MTMR4: variants seen among roughly 807,000 people sequenced by gnomAD.
MTMR4 encodes myotubularin related protein 4, also known as phosphatidylinositol-3,5-bisphosphate 3-phosphatase MTMR4.
Under a neutral mutation model 125.5 loss-of-function variants are expected in MTMR4, and 30 were observed. That is an observed-to-expected ratio of 0.24 (90% CI 0.18 to 0.32). The LOEUF (loss-of-function observed/expected upper bound fraction) is 0.32, where lower values mean the gene tolerates loss of function less well. MTMR4 is among the 10% of genes least tolerant of loss of function. The pLI is 1.00. For missense variants in MTMR4, 1,039 were observed against 1,511.5 expected, an observed-to-expected ratio of 0.69 and a Z score of 5.18; for synonymous variants, 498 against 564.5, an observed-to-expected ratio of 0.88 and a Z score of 1.67.
At position 58,508,669 on chromosome 17, in the gene MTMR4, G is replaced by A. The variant is rs747528698; in HGVS notation, c.496+12C>T. On this transcript the variant is annotated intron_variant, in intron 5 of 17. Coordinates refer to ENST00000682306, the MANE Select transcript of MTMR4 (RefSeq NM_001378067.1). The surrounding 1 kb of genome is among the most constrained non-coding windows in gnomAD (Gnocchi z 4.8). ...AAGAAGCAGCCTCCCAAAGAAAATA[G>A]ACTGGCCTCACCTGGCTGACATAGG... 1.9e-6 allele frequency: 3 copies of A among 1,613,720 alleles called. No homozygotes were observed. The highest frequency in any genetic ancestry group is 2.7e-5 in the African/African-American group (2 of 74,946).
chr17:58,509,849 C>CCTGA (rs1488537698), intron 4 of MTMR4, among the ~76,000 whole-genome samples: 2 of 152,206 alleles, frequency 1.3e-5, no homozygotes, highest in Non-Finnish European at 1.5e-5. Context: ...GCCCCACAGA[C>CCTGA]CTGAGCACAT....
In MTMR4 at chr17:58,512,927, G is replaced by C. The variant is rs760959680; in HGVS notation, c.60C>G (p.Pro20=). The C allele has an allele frequency of 3.7e-6, 6 of 1,610,754 alleles. No individual in the cohort carries two copies. Among genetic ancestry groups the C allele is most frequent in the Non-Finnish European group, 5.1e-6 (6 of 1,178,854 alleles). The part of the protein sequence containing the change: ...SMLSCFGEEG[P]PSLEYIQAKD... ...TGGCTTGGATGTACTCCAGGCTGGG[G>C]GGCCCCTCCTCACCCTGTAGGAAGG... is the stretch of plus-strand genomic sequence containing the variant. Residue 20 remains proline, a synonymous_variant, in exon 2 of 18, where the codon CCC becomes CCG. Coordinates refer to ENST00000682306, the MANE Select transcript of MTMR4 (RefSeq NM_001378067.1). The surrounding 1 kb of genome is among the most constrained non-coding windows in gnomAD (Gnocchi z 4.1).
In MTMR4 at chr17:58,504,535, T is replaced by A; in HGVS notation, c.1342-47A>T. The A allele has an allele frequency of 6.3e-7, 1 of 1,588,588 alleles. No individual in the cohort carries two copies. The highest frequency in any genetic ancestry group is 1.1e-5 in the South Asian group (1 of 89,862). ...AAACATAGGGCCTCTCTGGAAATGC[T>A]GATGTGCTACTCCCCTGGGAACTGC... On this transcript the variant is annotated intron_variant, in intron 11 of 17. Transcript: ENST00000682306. The surrounding 1 kb of genome is among the most constrained non-coding windows in gnomAD (Gnocchi z 7.1).
chr17:58,502,519 T>TA (rs5821237), intron 14 of MTMR4, among the ~76,000 whole-genome samples: 119,408 of 144,648 alleles, frequency 0.83, 49,360 homozygotes, highest in East Asian at 0.99. Context: ...CCTGTAATGA[T>TA]AAAAAAAAAA....
intron 4 of MTMR4, among the ~76,000 whole-genome samples, chr17:58,509,726 G>A (rs1305562604): frequency 1.3e-5 from 2 of 152,002 alleles, no homozygotes; most frequent in African/African-American, 4.8e-5. Flanking sequence ...GGCCTACTTG[G>A]AGTACTAAGC....
Position 58,495,571 on chromosome 17 carries a change from G to A in MTMR4, c.2613C>T (p.Thr871=). Residue 871 remains threonine, a synonymous_variant, in exon 15 of 18, where the codon ACC becomes ACT. Transcript: ENST00000682306. The stretch of plus-strand genomic sequence containing the variant: ...TTTTACCAATGTCTTCCTCCCCATG[G>A]GTCAGATCCGGCACAGAACTCAGTT... ...QEQLSSVPDL[T]HGEEDIGKRG... is the part of the protein sequence containing the mutation. 1 of 1,614,110 alleles carries A rather than the reference G, an allele frequency of 6.2e-7. No homozygotes were observed. The highest frequency in any genetic ancestry group is 8.5e-7 in the Non-Finnish European group (1 of 1,180,030).
At chr17:58,507,350 T>G in intron 7 of MTMR4, 31 bp from the exon 8 acceptor site, 1 of 1,599,014 alleles carries the variant, frequency 6.3e-7, no homozygotes, top group Non-Finnish European at 8.5e-7. Flanking sequence ...GTAATGCCCT[T>G]GGCATTCGAA....
chr17:58,503,813 T>G lies in MTMR4; in HGVS notation c.1784A>C (p.Glu595Ala). The change falls in exon 14 of 18, where the codon GAA (glutamate) becomes GCA (alanine). Residue 595 changes from glutamate to alanine, a missense_variant. Glu to Ala is a moderately radical substitution (Grantham distance 107). Around this residue, in one of 6 missense-constraint regions of MTMR4, gnomAD observed 619 missense variants for 714.5 expected, o/e 0.87. Coordinates refer to ENST00000682306, the MANE Select transcript of MTMR4 (RefSeq NM_001378067.1). Reference sequence around the variant, plus strand: ...GGAAAGGTAAAGATCCATGTTTTCTTCCCCAAGTGTGCATGGAGATGATGC... The same window carrying G: ...GGAAAGGTAAAGATCCATGTTTTCTGCCCCAAGTGTGCATGGAGATGATGC... ...LPASSPCTLG[E>A]ENMDLYLSPV... 1 of 1,614,058 alleles carries G rather than the reference T, an allele frequency of 6.2e-7. No homozygotes were observed. Among genetic ancestry groups the G allele is most frequent in the South Asian group, 1.1e-5 (1 of 91,072 alleles).
chr17:58,518,425 G>C (rs1364571645), upstream of MTMR4, among the ~76,000 whole-genome samples: 1 of 152,230 alleles, frequency 6.6e-6, no homozygotes, highest in Non-Finnish European at 1.5e-5. Flanking sequence ...CAGGCTAAGA[G>C]AGAAGGGAGG....
intron 1 of MTMR4, chr17:58,514,057 A>G (rs1976013823): frequency 6.5e-6 from 1 of 153,328 alleles, no homozygotes; most frequent in Admixed American, 6.5e-5. Context: ...GGGTGGGACC[A>G]AGAGGGAGAG....
chr17:58,510,314 C>T (rs1975893109), intron 4 of MTMR4, among the ~76,000 whole-genome samples: 1 of 152,194 alleles, frequency 6.6e-6, no homozygotes, highest in Non-Finnish European at 1.5e-5. Context: ...TCCAACAACA[C>T]CAGCCTCCCT....
At chr17:58,492,994 T>G in intron 15 of MTMR4, 42 bp from the exon 16 acceptor site, 2 of 1,495,116 alleles carry the variant, frequency 1.3e-6, no homozygotes, top group Non-Finnish European at 9.3e-7. Flanking sequence ...TCATCATCAT[T>G]AACGCTTACT....
At chr17:58,499,093 A>G (rs1444996859) in intron 14 of MTMR4, among the ~76,000 whole-genome samples, 2 of 152,140 alleles carry the variant, frequency 1.3e-5, no homozygotes, top group Non-Finnish European at 2.9e-5. Context: ...ACTTCCTACA[A>G]TGACTTCCTA....
In MTMR4 at chr17:58,504,266, T is replaced by TC; in HGVS notation, c.1527+36dup. On this transcript the variant is annotated intron_variant, in intron 12 of 17. Transcript: ENST00000682306. This position sits in a 1 kb window ranked among gnomAD's most constrained non-coding sequence, Gnocchi z 7.1. Reference sequence around the variant, plus strand: ...GCACCTGGGGGCCTCGGGCTGTCATTCCCCCCATCCCTGTTGTCACAGGCC... The same window carrying TC: ...GCACCTGGGGGCCTCGGGCTGTCATTCCCCCCCATCCCTGTTGTCACAGGCC... 6.2e-7 allele frequency: 1 copy of TC among 1,603,754 alleles called. No homozygotes were observed. The highest frequency in any genetic ancestry group is 8.5e-7 in the Non-Finnish European group (1 of 1,171,706).
rs201088031 is a variant in MTMR4 at position 58,507,196 on chromosome 17, C to T, written c.831G>A (p.Pro277=). Residue 277 remains proline (P), a synonymous_variant, in exon 8 of 18, where the codon CCG becomes CCA. Coordinates refer to ENST00000682306, the MANE Select transcript of MTMR4 (RefSeq NM_001378067.1). ...GGGAGCCCCCAGTGGCCCTTGTCCC[C>T]GGGTCCAGGGCACAGGCTTTAGCAA... ...TSIAKACALD[P]GTRATGGSLS... 59 of 1,614,026 alleles carry T rather than the reference C, an allele frequency of 3.7e-5. No individual in the cohort carries two copies. The highest frequency in any genetic ancestry group is 2.4e-4 in the African/African-American group (18 of 74,902).
Position 58,503,600 on chromosome 17 carries a change from G to C in MTMR4, c.1853+144C>G, listed in dbSNP as rs137877630. The C allele has an allele frequency of 5.6e-5, 57 of 1,025,714 alleles. No individual in the cohort carries two copies. In the East Asian group the frequency reaches 1.5e-3, roughly 27 times the overall value. 63.5% of individuals were successfully genotyped at this position (1,025,714 alleles called of 1,614,324 possible). On this transcript the variant is annotated intron_variant, in intron 14 of 17. Coordinates refer to ENST00000682306, the MANE Select transcript of MTMR4 (RefSeq NM_001378067.1). ...GGAAGTGGAGGTTGCAGTGAGCCAA[G>C]ATTGCACCACTGGCACTCCACCCTG...
At chr17:58,516,510 G>A (rs1040331516), upstream of MTMR4, 9 of 1,548,888 alleles carry the variant, frequency 5.8e-6, no homozygotes, top group African/African-American at 1.4e-5. Context: ...GGACAGGTGG[G>A]GCAGCTTCAC....
chr17:58,501,381 T>C (rs2143875837), intron 14 of MTMR4, among the ~76,000 whole-genome samples: 1 of 152,168 alleles, frequency 6.6e-6, no homozygotes, highest in South Asian at 2.1e-4. Flanking sequence ...GCTAATTAGC[T>C]ACCTGGGAGG....
At chr17:58,505,623 C>A in intron 9 of MTMR4, 40 bp from the exon 10 acceptor site, 1 of 1,503,314 alleles carries the variant, frequency 6.7e-7, no homozygotes, top group South Asian at 1.1e-5. Context: ...AAAGCACGTC[C>A]TAGGCCGGGC....
Sources: allele counts gnomAD v4.1 joint callset (sites outside exome capture counted in the v4.1 genomes callset), GRCh38; gene constraint gnomAD v4.1.1; regional missense constraint gnomAD v4.1.1; non-coding constraint Gnocchi (gnomAD v3.1); transcripts MANE v1.5; gene names NCBI Gene and HGNC (gene_info 2026-07-23, HGNC 2026-07-21).